Variants in REC8 observed in about 807,000 individuals in gnomAD.
REC8 encodes the protein meiotic recombination protein REC8 homolog.
Under a neutral mutation model 78.3 loss-of-function variants are expected in REC8, and 42 were observed. That is an observed-to-expected ratio of 0.54 (90% CI 0.42 to 0.69). The LOEUF (loss-of-function observed/expected upper bound fraction) is 0.69, where lower values mean the gene tolerates loss of function less well. REC8 is among the 30% of genes least tolerant of loss of function. REC8 has a pLI of 0.00. For missense variants in REC8, 581 were observed against 715.8 expected, an observed-to-expected ratio of 0.81 and a Z score of 2.15; for synonymous variants, 268 against 274.1, an observed-to-expected ratio of 0.98 and a Z score of 0.22.
At chr14:24,179,229 G>T in intron 15 of REC8, 96 bp downstream of exon 15, 1 of 1,253,900 alleles carries the variant, frequency 8.0e-7, no homozygotes, top group Admixed American at 1.8e-5. Context: ...ATGAGTGAAG[G>T]CGTGTGTGTG....
intron 5 of REC8, 115 bp from the exon 6 acceptor site, chr14:24,175,425 GCAA>G: frequency 1.3e-6 from 1 of 789,376 alleles, no homozygotes; most frequent in Non-Finnish European, 2.2e-6. Context: ...TGATGTCAAT[GCAA>G]CAAGAATTAG....
chr14:24,175,853 CT>C, intron 6 of REC8, among the ~76,000 whole-genome samples: 1 of 152,006 alleles, frequency 6.6e-6, no homozygotes, highest in Non-Finnish European at 1.5e-5. Flanking sequence ...CAGATGTGCA[CT>C]ACCATGCCCG....
In REC8 at chr14:24,172,649, C is replaced by G. The variant is rs375951605; in HGVS notation, c.56+41C>G. On this transcript the variant is annotated intron_variant, in intron 1 of 18. Coordinates refer to ENST00000611366, the MANE Select transcript of REC8 (RefSeq NM_001048205.2). The stretch of plus-strand genomic sequence containing the variant: ...GTTGGCGCGCGATGGCGGACGCTGC[C>G]CGGGATCCCAGCCTGACAGCTCCCC... 3 of 1,612,890 alleles carry G rather than the reference C, an allele frequency of 1.9e-6. No homozygotes were observed. The African/African-American group carries it at 4.0e-5, about 22-fold the overall frequency.
At chr14:24,178,265 G>A (rs767073420) in intron 12 of REC8, 43 bp downstream of exon 12, 2 of 1,556,946 alleles carry the variant, frequency 1.3e-6, no homozygotes, top group Admixed American at 1.7e-5. Context: ...AGGGAGGCAG[G>A]GATGACCAGG....
rs1045000253 is a variant in REC8 at position 24,179,844 on chromosome 14, G to A, written c.1496G>A (p.Ser499Asn). ...CAGGCTAACAGGGAGCCCGACTTCAGCAGCCTGGTGTCACCTCTCAGCCCC... is the reference window on the plus strand; with the variant it reads ...CAGGCTAACAGGGAGCCCGACTTCAACAGCCTGGTGTCACCTCTCAGCCCC... ...ELQANREPDF[S>N]SLVSPLSPRR... Residue 499 changes from serine to asparagine, a missense_variant, in exon 18 of 19, where the codon AGC becomes AAC. Ser to Asn is a conservative substitution (Grantham distance 46). Coordinates refer to ENST00000611366, the MANE Select transcript of REC8 (RefSeq NM_001048205.2). 9 of 1,613,274 alleles carry A rather than the reference G, an allele frequency of 5.6e-6. No individual in the cohort carries two copies. The African/African-American group carries it at 1.2e-4, about 22-fold the overall frequency.
At chr14:24,175,517 CTT>C in intron 5 of REC8, 24 bp from the exon 6 acceptor site, 1 of 1,591,332 alleles carries the variant, frequency 6.3e-7, no homozygotes. Context: ...TGAACCCTAT[CTT>C]TTGTTTCCAA....
In REC8 at chr14:24,176,886, GA is replaced by G; in HGVS notation, c.610del (p.Met204CysfsTer21). On this transcript the variant is annotated frameshift_variant, in exon 7 of 19. Transcript: ENST00000611366. LOFTEE classifies it high-confidence loss of function. ...CGATCCTGGAGGCAGAGCCCATACG[GA>G]TGCTGGAGATTGAGGTGAGTTCCCC... is the stretch of plus-strand genomic sequence containing the variant. ...ITILEAEPIR[M>X]LEIEGERELP... 1 of 1,613,626 alleles carries G rather than the reference GA, an allele frequency of 6.2e-7. No homozygotes were observed. Among genetic ancestry groups the G allele is most frequent in the Non-Finnish European group, 8.5e-7 (1 of 1,179,772 alleles).
At chr14:24,173,564 G>GGC (rs1450469830) in intron 5 of REC8, among the ~76,000 whole-genome samples, 153 bp downstream of exon 5, 1 of 152,186 alleles carries the variant, frequency 6.6e-6, no homozygotes, top group Admixed American at 6.5e-5. Flanking sequence ...GACCCATCCA[G>GGC]GCGAAGCCCC....
At position 24,178,813 on chromosome 14, in the gene REC8, C is replaced by A; in HGVS notation, c.1100C>A (p.Thr367Asn). The change falls in exon 14 of 19, where the codon ACC becomes AAC. Residue 367 changes from threonine to asparagine, a missense_variant. Physicochemically the swap from Thr to Asn is moderately conservative, Grantham distance 65 (BLOSUM62 0). Transcript: ENST00000611366. ...CCCCCTGAACTACTGGGTCTCTGGA[C>A]CCATTGTGCCCAGCCACCCCCAAAA... is the stretch of plus-strand genomic sequence containing the variant. ...WLPPELLGLW[T>N]HCAQPPPKAL... is the part of the protein sequence containing the mutation. The A allele has an allele frequency of 1.2e-6, 2 of 1,613,836 alleles. No individual in the cohort carries two copies. The highest frequency in any genetic ancestry group is 1.7e-6 in the Non-Finnish European group (2 of 1,179,998).
chr14:24,173,084 G>T (rs1185328536), intron 3 of REC8, 42 bp from the exon 4 acceptor site: 1 of 1,612,368 alleles, frequency 6.2e-7, no homozygotes, highest in East Asian at 2.2e-5. Context: ...CTGAGCAGCT[G>T]TCTGCTAAGC....
chr14:24,179,414 G>C lies in REC8; in HGVS notation c.1270G>C (p.Ala424Pro). Residue 424 changes from alanine to proline, a missense_variant, in exon 16 of 19, where the codon GCT (alanine) becomes CCT (proline). By Grantham distance (27) the Ala-to-Pro change is conservative (BLOSUM62 -1). Transcript: ENST00000611366. ...MVSLEISLEA[A>P]EEEKSRISLI... is the part of the protein sequence containing the mutation. ...CCCAACAGAGATCTCCCTAGAGGCA[G>C]CTGAAGAGGAGAAGTCCCGCATCAG... The C allele has an allele frequency of 6.2e-7, 1 of 1,614,090 alleles. No homozygotes were observed. Among genetic ancestry groups the C allele is most frequent in the Non-Finnish European group, 8.5e-7 (1 of 1,180,032 alleles).
rs2039104203 is a variant in REC8 at position 24,180,251 on chromosome 14, T to G, written c.*156T>G. ...CAAGCAGAAAACAAGCTGCTTTTAT[T>G]ACAGTATGATGTCATGACTCATTTG... On this transcript the variant is annotated 3_prime_UTR_variant, in exon 19 of 19. Coordinates refer to ENST00000611366, the MANE Select transcript of REC8 (RefSeq NM_001048205.2). 1.2e-5 allele frequency: 19 copies of G among 1,560,548 alleles called. No homozygotes were observed. Among genetic ancestry groups the G allele is most frequent in the Non-Finnish European group, 1.6e-5 (18 of 1,151,502 alleles).
At chr14:24,176,127 T>C (rs1174917254) in intron 6 of REC8, among the ~76,000 whole-genome samples, 1 of 151,734 alleles carries the variant, frequency 6.6e-6, no homozygotes, top group Non-Finnish European at 1.5e-5. Flanking sequence ...AGTACAGTGG[T>C]GCACTTTAGG....
chr14:24,180,892 G>A (rs2039126218), downstream of REC8: 5 of 653,832 alleles, frequency 7.6e-6, no homozygotes, highest in East Asian at 1.4e-4. Flanking sequence ...AGGCATCCAA[G>A]ACAACTATGA....
intron 5 of REC8, among the ~76,000 whole-genome samples, chr14:24,174,256 T>G (rs2139125143): frequency 6.6e-6 from 1 of 152,008 alleles, no homozygotes; most frequent in East Asian, 1.9e-4. Context: ...AGTGCTAGGA[T>G]TACAGACGTG....
chr14:24,172,736 G>T lies in REC8; in HGVS notation c.80G>T (p.Arg27Leu). ...AGGCTGGCGGCGACTCGCGGCAGCCGGTTGGTGAAGCGCGAATACCTGAGG... is the reference window on the plus strand; with the variant it reads ...AGGCTGGCGGCGACTCGCGGCAGCCTGTTGGTGAAGCGCGAATACCTGAGG... Reference protein sequence around the residue: ...TIWLAATRGSRLVKREYLRVN... With the variant: ...TIWLAATRGSLLVKREYLRVN... Residue 27 changes from arginine to leucine, a missense_variant, in exon 2 of 19, where the codon CGG becomes CTG. By Grantham distance (102) the Arg-to-Leu change is moderately radical (BLOSUM62 -2). Coordinates refer to ENST00000611366, the MANE Select transcript of REC8 (RefSeq NM_001048205.2). 1 of 1,614,202 alleles carries T rather than the reference G, an allele frequency of 6.2e-7. No homozygotes were observed.
At chr14:24,177,265 G>C (rs550528678) in intron 8 of REC8, 43 bp downstream of exon 8, 4 of 1,612,172 alleles carry the variant, frequency 2.5e-6, no homozygotes, top group Admixed American at 3.3e-5. Context: ...GAGCTGGATA[G>C]TCAGACCCCT....
Position 24,173,196 on chromosome 14 carries a change from G to A in REC8, c.339G>A (p.Glu113=), listed in dbSNP as rs781145214. The A allele has an allele frequency of 1.2e-6, 2 of 1,614,222 alleles. No homozygotes were observed. Among genetic ancestry groups the A allele is most frequent in the Non-Finnish European group, 8.5e-7 (1 of 1,180,048 alleles). ...AGATCCGAATAGATATGGAGACTGAGCTGTGAGTGTGCCCTGGGCCTTTGA... is the reference window on the plus strand; with the variant it reads ...AGATCCGAATAGATATGGAGACTGAACTGTGAGTGTGCCCTGGGCCTTTGA... ...QLQIRIDMET[E]LPSLLLPNHL... Residue 113 remains glutamate, a splice_region_variant and synonymous_variant, in exon 4 of 19, where the codon GAG becomes GAA. Transcript: ENST00000611366.
At chr14:24,175,662 G>A (rs745972245) in intron 6 of REC8, 38 bp downstream of exon 6, 29 of 1,524,582 alleles carry the variant, frequency 1.9e-5, no homozygotes, top group Non-Finnish European at 2.5e-5. Context: ...GAGAGGCATA[G>A]GCAGGCCCAA....
Sources: gnomAD v4.1 joint callset for allele counts (sites outside exome capture counted in the v4.1 genomes callset) on GRCh38, gnomAD v4.1.1 for gene constraint, MANE v1.5 for transcripts, NCBI Gene and HGNC (gene_info 2026-07-23, HGNC 2026-07-21) for gene names.